SEPTIN3: variants seen among roughly 807,000 people sequenced by gnomAD.
SEPTIN3 encodes neuronal-specific septin-3.
In SEPTIN3, 15 loss-of-function variants were observed where a neutral mutation model predicts 45.1. The observed-to-expected ratio is 0.33, with a 90% CI of 0.22 to 0.51. The LOEUF (loss-of-function observed/expected upper bound fraction) is 0.51, where lower values mean the gene tolerates loss of function less well. SEPTIN3 is among the 20% of genes least tolerant of loss of function. The pLI is 0.97. For missense variants in SEPTIN3, 289 were observed against 457.2 expected (o/e 0.63, Z 3.35); for synonymous variants, 148 against 164.8 (o/e 0.90, Z 0.78).
chr22:41,989,559 T>C lies in SEPTIN3; in HGVS notation c.2046-8T>C, dbSNP rs780557175. 2.5e-6 allele frequency: 4 copies of C among 1,603,794 alleles called. No homozygotes were observed. The African/African-American group carries it at 4.0e-5, about 16-fold the overall frequency. ...GGCTCTGATGATTCTGCCTTTTCTG[T>C]GCCCCAGCTTGCGACCTCTGGATCT... On this transcript the variant is annotated splice_region_variant and splice_polypyrimidine_tract_variant and intron_variant, in intron 6 of 11. Transcript: ENST00000644076.
chr22:41,986,354 T>C lies in SEPTIN3; in HGVS notation c.1825+242T>C, dbSNP rs191464980. On this transcript the variant is annotated intron_variant, in intron 4 of 11. Coordinates refer to ENST00000644076, the MANE Select transcript of SEPTIN3 (RefSeq NM_001363845.2). ...TGATAAAGTACAGGATTTAGACAGG[T>C]AGAAAGAGGTAAGGAGTGGGCAGGT... is the stretch of plus-strand genomic sequence containing the variant. 2.6e-5 allele frequency among the ~76,000 whole-genome samples: 4 copies of C among 152,006 alleles called. No homozygotes were observed. In the East Asian group the frequency reaches 7.8e-4, roughly 30 times the overall value.
intron 2 of SEPTIN3, among the ~76,000 whole-genome samples, chr22:41,980,201 C>T (rs563853728): frequency 1.6e-3 from 225 of 143,670 alleles, no homozygotes; most frequent in Non-Finnish European, 3.0e-3. Flanking sequence ...TGCAGTGGCA[C>T]GATCTCGGCT....
At chr22:41,987,403 G>A (rs1023995936) in intron 5 of SEPTIN3, 116 bp downstream of exon 5, 15 of 1,147,024 alleles carry the variant, frequency 1.3e-5, no homozygotes, top group African/African-American at 1.2e-4. Context: ...TGTAGTTCCC[G>A]ACAGCCCAGG....
Position 41,972,960 on chromosome 22 carries a change from G to C in SEPTIN3, c.1468G>C (p.Glu490Gln). Residue 490 changes from glutamate (E) to glutamine (Q), a missense_variant, in exon 2 of 12, where the codon GAG (glutamate) becomes CAG (glutamine). Physicochemically the swap from Glu to Gln is conservative, Grantham distance 29 (BLOSUM62 2). This residue lies in a region of SEPTIN3 where 200 missense variants were observed against 315.1 expected (regional missense o/e 0.63). Coordinates refer to ENST00000644076, the MANE Select transcript of SEPTIN3 (RefSeq NM_001363845.2). ...NTNAAMDRAT[E>Q]PASLDLATEY... Reference sequence around the variant, plus strand: ...TAATGCTGCCATGGACAGAGCCACAGAGCCTGCCTCACTGGACCTGGCCAC... The same window carrying C: ...TAATGCTGCCATGGACAGAGCCACACAGCCTGCCTCACTGGACCTGGCCAC... The C allele has an allele frequency of 2.5e-6, 1 of 398,878 alleles. No homozygotes were observed. Among genetic ancestry groups the C allele is most frequent in the Non-Finnish European group, 4.4e-6 (1 of 226,162 alleles). 24.7% of individuals were successfully genotyped at this position (398,878 alleles called of 1,614,324 possible).
rs1333452845 is a variant in SEPTIN3 at position 41,989,328 on chromosome 22, G to C, written c.2046-239G>C. Among the ~76,000 whole-genome samples, 2 of 152,246 alleles carry C rather than the reference G, an allele frequency of 1.3e-5. 1 individual carries two copies. Among genetic ancestry groups the C allele is most frequent in the Non-Finnish European group, 2.9e-5 (2 of 68,018 alleles). ...AGATGTCCTGAAGTGGTGGTTTGAGGGGGGCTTAAAGAGAGGCAGAATCTG... is the reference window on the plus strand; with the variant it reads ...AGATGTCCTGAAGTGGTGGTTTGAGCGGGGCTTAAAGAGAGGCAGAATCTG... On this transcript the variant is annotated intron_variant, in intron 6 of 11. Transcript: ENST00000644076.
chr22:41,993,212 G>A (rs1461914198), intron 9 of SEPTIN3, among the ~76,000 whole-genome samples: 1 of 152,218 alleles, frequency 6.6e-6, no homozygotes, highest in East Asian at 1.9e-4. Context: ...TATGAAGGGA[G>A]GAGAGCGGGT....
In SEPTIN3 at chr22:41,994,721, G is replaced by A. The variant is rs1396477143; in HGVS notation, c.2505+7G>A. ...CAATGGAGGCCTCCCTCCGGTGAGC[G>A]TGGACACAGAGGAAAGCCACGACAG... On this transcript the variant is annotated splice_region_variant and intron_variant, in intron 11 of 11. Coordinates refer to ENST00000644076, the MANE Select transcript of SEPTIN3 (RefSeq NM_001363845.2). This position sits in a 1 kb window ranked among gnomAD's most constrained non-coding sequence, Gnocchi z 4.2. 4.3e-6 allele frequency: 7 copies of A among 1,614,122 alleles called. No individual in the cohort carries two copies. Among genetic ancestry groups the A allele is most frequent in the East Asian group, 2.2e-5 (1 of 44,880 alleles).
At position 41,976,932 on chromosome 22, in the gene SEPTIN3, G is replaced by C; in HGVS notation, c.1504+3936G>C. ...GCGCGGCGGGGCCGCGGGCCGGGCG[G>C]GTGGGAGGAGAGCGCGAAGGGGCGA... is the stretch of plus-strand genomic sequence containing the variant. On this transcript the variant is annotated intron_variant, in intron 2 of 11. Transcript: ENST00000644076. The surrounding 1 kb of genome is among the most constrained non-coding windows in gnomAD (Gnocchi z 5.8). 3 of 623,616 alleles carry C rather than the reference G, an allele frequency of 4.8e-6. No homozygotes were observed. Among genetic ancestry groups the C allele is most frequent in the Non-Finnish European group, 6.7e-6 (3 of 446,438 alleles). 38.6% of individuals were successfully genotyped at this position (623,616 alleles called of 1,614,324 possible). A position where few individuals can be genotyped will look rare whatever the true frequency, so the allele number is the denominator to read the frequency against.
chr22:41,991,522 T>C (rs768379889), intron 7 of SEPTIN3, 51 bp from the exon 8 acceptor site: 1 of 1,381,814 alleles, frequency 7.2e-7, no homozygotes, highest in Admixed American at 1.7e-5. Context: ...CACACCCCTC[T>C]TTTCCATTAC....
intron 7 of SEPTIN3, among the ~76,000 whole-genome samples, chr22:41,991,323 G>A (rs1308908324): frequency 6.6e-6 from 1 of 152,240 alleles, no homozygotes; most frequent in Middle Eastern, 3.4e-3. Context: ...AGCTGGTTGC[G>A]AGGCGCCTGG....
chr22:41,975,190 T>C (rs187035765), intron 2 of SEPTIN3, among the ~76,000 whole-genome samples: 15 of 152,250 alleles, frequency 9.9e-5, no homozygotes, highest in Admixed American at 2.0e-4. Context: ...GGCTGGACAT[T>C]CATTTGGTCT....
intron 11 of SEPTIN3, chr22:41,995,280 C>A (rs1307156537): frequency 8.1e-6 from 8 of 989,908 alleles, no homozygotes; most frequent in South Asian, 9.2e-5. Context: ...AAGGCTGGGG[C>A]TTCCTGGGAA....
Position 41,976,971 on chromosome 22 carries a change from GGGCCGCTC to G in SEPTIN3, c.1504+3980_1504+3987del. On this transcript the variant is annotated intron_variant, in intron 2 of 11. Coordinates refer to ENST00000644076, the MANE Select transcript of SEPTIN3 (RefSeq NM_001363845.2). The surrounding 1 kb of genome is among the most constrained non-coding windows in gnomAD (Gnocchi z 5.8). ...GCGAAGGGGCGAGGCCCGTTTGCAG[GGGCCGCTC>G]GGCCCGGGGAAGCCCGCGCCCCGCT... 1 of 1,361,094 alleles carries G rather than the reference GGGCCGCTC, an allele frequency of 7.3e-7. No individual in the cohort carries two copies. The highest frequency in any genetic ancestry group is 9.9e-7 in the Non-Finnish European group (1 of 1,011,456). 84.3% of individuals were successfully genotyped at this position (1,361,094 alleles called of 1,614,324 possible).
At chr22:41,985,945 TG>T (rs748985010) in intron 3 of SEPTIN3, 38 bp from the exon 4 acceptor site, 1 of 1,568,310 alleles carries the variant, frequency 6.4e-7, no homozygotes, top group Non-Finnish European at 8.7e-7. Context: ...AGGAGGTGGA[TG>T]CAGAGTCTCC....
In SEPTIN3 at chr22:41,994,870, T is replaced by C. The variant is rs2078398464; in HGVS notation, c.2505+156T>C. The C allele has an allele frequency of 2.6e-6, 4 of 1,546,550 alleles. No homozygotes were observed. Among genetic ancestry groups the C allele is most frequent in the Non-Finnish European group, 2.6e-6 (3 of 1,152,138 alleles). On this transcript the variant is annotated intron_variant, in intron 11 of 11. Transcript: ENST00000644076. This position sits in a 1 kb window ranked among gnomAD's most constrained non-coding sequence, Gnocchi z 4.2. Reference sequence around the variant, plus strand: ...GTCCCACAGGCCTGTCTGGTATTTGTGGAGCATCTTGTCTGTGTGTGTGTG... The same window carrying C: ...GTCCCACAGGCCTGTCTGGTATTTGCGGAGCATCTTGTCTGTGTGTGTGTG...
chr22:41,986,775 A>G (rs1291853211), intron 4 of SEPTIN3, among the ~76,000 whole-genome samples: 1 of 152,090 alleles, frequency 6.6e-6, no homozygotes, highest in Non-Finnish European at 1.5e-5. Context: ...TGCTGGGATA[A>G]CAGGCGTGAG....
chr22:41,987,883 GC>G, intron 6 of SEPTIN3, 124 bp downstream of exon 6: 1 of 962,652 alleles, frequency 1.0e-6, no homozygotes. Flanking sequence ...AGCCCTTCCA[GC>G]CAGATGGGTT....
Position 41,972,898 on chromosome 22 carries a change from T to C in SEPTIN3, c.1406T>C (p.Met469Thr), listed in dbSNP as rs1207803585. ...TISDVATCLL[M>T]PSRSTDLALD... ...TCAGACGTTGCTACATGCCTGCTAA[T>C]GCCAAGCAGATCCACAGACCTAGCC... Residue 469 changes from methionine (M) to threonine (T), a missense_variant, in exon 2 of 12, where the codon ATG becomes ACG. Around this residue, in one of 3 missense-constraint regions of SEPTIN3, gnomAD observed 200 missense variants for 315.1 expected, o/e 0.63. Coordinates refer to ENST00000644076, the MANE Select transcript of SEPTIN3 (RefSeq NM_001363845.2). The C allele has an allele frequency of 7.5e-6, 3 of 399,284 alleles. No individual in the cohort carries two copies. Among genetic ancestry groups the C allele is most frequent in the Non-Finnish European group, 1.3e-5 (3 of 226,216 alleles). 24.7% of individuals were successfully genotyped at this position (399,284 alleles called of 1,614,324 possible).
chr22:41,992,876 C>A, intron 9 of SEPTIN3, 113 bp downstream of exon 9: 3 of 734,352 alleles, frequency 4.1e-6, no homozygotes, highest in East Asian at 2.8e-5. Context: ...TGAATGCCAG[C>A]CAGATTCTGC....
Sources: allele counts gnomAD v4.1 joint callset (sites outside exome capture counted in the v4.1 genomes callset), GRCh38; gene constraint gnomAD v4.1.1; regional missense constraint gnomAD v4.1.1; non-coding constraint Gnocchi (gnomAD v3.1); transcripts MANE v1.5; gene names NCBI Gene and HGNC (gene_info 2026-07-23, HGNC 2026-07-21).